Variants in S100A7A observed in about 807,000 individuals in gnomAD.
The protein encoded by S100A7A is protein S100-A7A.
S100A7A carries 5 observed loss-of-function variants against 4.0 expected under a neutral mutation model. The ratio of observed to expected loss-of-function variants is 1.26; its 90% confidence interval spans 0.66 to 2.66. The LOEUF (loss-of-function observed/expected upper bound fraction) is 2.66. S100A7A is among the 30% of genes most tolerant of loss of function. The probability of loss-of-function intolerance (pLI) is 0.01; values close to 1 mark genes in which losing one functional copy is unlikely to be tolerated. For missense variants in S100A7A, 159 were observed against 125.1 expected (o/e 1.27, Z -1.29); for synonymous variants, 52 against 46.4 (o/e 1.12, Z -0.49).
chr1:153,417,032 C>CTGGCCT (rs1273611624), intron 1 of S100A7A, among the ~76,000 whole-genome samples: 3 of 152,266 alleles, frequency 2.0e-5, no homozygotes, highest in Admixed American at 2.0e-4. Flanking sequence ...GGCTTGGCCT[C>CTGGCCT]TGGCCTTGGC....
intron 2 of S100A7A, among the ~76,000 whole-genome samples, chr1:153,418,829 C>T (rs189066089): frequency 6.6e-5 from 10 of 152,250 alleles, no homozygotes; most frequent in African/African-American, 2.4e-4. Flanking sequence ...GTAGGCAGTG[C>T]CCTTAAATGC....
Position 153,417,942 on chromosome 1 carries a change from A to T in S100A7A, c.-17-124A>T, listed in dbSNP as rs1005281988. ...AACTTATCCCATCACATTTAAAAAA[A>T]TCAAGTTCCTTCTGCTCCATCTTAG... On this transcript the variant is annotated intron_variant, in intron 1 of 2. Transcript: ENST00000368729. 7.9e-6 allele frequency: 10 copies of T among 1,272,448 alleles called. No individual in the cohort carries two copies. In the African/African-American group the frequency reaches 1.5e-4, roughly 19 times the overall value. The allele number at this position is 1,272,448 out of a possible 1,614,324, so 78.8% of individuals were successfully genotyped here. A position where few individuals can be genotyped will look rare whatever the true frequency, so the allele number is the denominator to read the frequency against.
In S100A7A at chr1:153,420,872, C is replaced by T. The variant is rs1662882229; in HGVS notation, c.*1563C>T. 1 of 152,332 alleles carries T rather than the reference C, an allele frequency of 6.6e-6. No individual in the cohort carries two copies. Among genetic ancestry groups the T allele is most frequent in the Non-Finnish European group, 1.5e-5 (1 of 68,230 alleles). 9.4% of individuals were successfully genotyped at this position (152,332 alleles called of 1,614,324 possible). Reference sequence around the variant, plus strand: ...CATCCACCCCAGAATTGCTCTCTTTCCTCTCTTAGCTCTGTTGCCCACTTT... The same window carrying T: ...CATCCACCCCAGAATTGCTCTCTTTTCTCTCTTAGCTCTGTTGCCCACTTT... On this transcript the variant is annotated 3_prime_UTR_variant, in exon 3 of 3. Coordinates refer to ENST00000368729, the MANE Select transcript of S100A7A (RefSeq NM_176823.4).
Position 153,421,479 on chromosome 1 carries a change from T to C in S100A7A, c.*2170T>C, listed in dbSNP as rs1662896801. ...TCCAGCTCATAATAAGTACTCTATATCATTTTTCAATATAAAATGTATTTG... is the reference window on the plus strand; with the variant it reads ...TCCAGCTCATAATAAGTACTCTATACCATTTTTCAATATAAAATGTATTTG... On this transcript the variant is annotated 3_prime_UTR_variant, in exon 3 of 3. Coordinates refer to ENST00000368729, the MANE Select transcript of S100A7A (RefSeq NM_176823.4). 6.6e-6 allele frequency: 1 copy of C among 152,232 alleles called. No individual in the cohort carries two copies. Among genetic ancestry groups the C allele is most frequent in the East Asian group, 1.9e-4 (1 of 5,208 alleles). The allele number at this position is 152,232 out of a possible 1,614,324, so 9.4% of individuals were successfully genotyped here. A position where few individuals can be genotyped will look rare whatever the true frequency, so the allele number is the denominator to read the frequency against.
At position 153,422,575 on chromosome 1, in the gene S100A7A, A is replaced by G. The variant is rs1279550299; in HGVS notation, c.*3266A>G. On this transcript the variant is annotated 3_prime_UTR_variant, in exon 3 of 3. Coordinates refer to ENST00000368729, the MANE Select transcript of S100A7A (RefSeq NM_176823.4). ...CCAAATGTTCCCCAGAAATTCTGATATCAAAACATTCCAATAACTTTTTTT... is the reference window on the plus strand; with the variant it reads ...CCAAATGTTCCCCAGAAATTCTGATGTCAAAACATTCCAATAACTTTTTTT... 1 of 980,074 alleles carries G rather than the reference A, an allele frequency of 1.0e-6. No individual in the cohort carries two copies. Among genetic ancestry groups the G allele is most frequent in the Non-Finnish European group, 1.2e-6 (1 of 825,226 alleles). 60.7% of individuals were successfully genotyped at this position (980,074 alleles called of 1,614,324 possible). A position where few individuals can be genotyped will look rare whatever the true frequency, so the allele number is the denominator to read the frequency against.
At chr1:153,417,972 G>T (rs1662772042) in intron 1 of S100A7A, 94 bp from the exon 2 acceptor site, 1 of 1,493,892 alleles carries the variant, frequency 6.7e-7, no homozygotes, top group Non-Finnish European at 9.1e-7. Flanking sequence ...TCTTAGGGCT[G>T]TTTTTACTCT....
intron 1 of S100A7A, among the ~76,000 whole-genome samples, 200 bp downstream of exon 1, chr1:153,416,763 T>A (rs943017745): frequency 2.0e-5 from 3 of 152,198 alleles, no homozygotes; most frequent in African/African-American, 7.2e-5. Flanking sequence ...ACCAGACCTG[T>A]CCATTGCTCC....
chr1:153,418,149 C>T lies in S100A7A; in HGVS notation c.67C>T (p.Arg23Cys), dbSNP rs146005479. ...MIDMFHKYTG[R>C]DGKIEKPSLL... ...CGACATGTTTCACAAATACACCGGA[C>T]GTGATGGCAAGATTGAGAAGCCAAG... is the stretch of plus-strand genomic sequence containing the variant. The change falls in exon 2 of 3, where the codon CGT (arginine) becomes TGT (cysteine). Residue 23 changes from arginine to cysteine, a missense_variant. Physicochemically the swap from Arg to Cys is radical, Grantham distance 180 (BLOSUM62 -3). Coordinates refer to ENST00000368729, the MANE Select transcript of S100A7A (RefSeq NM_176823.4). The T allele has an allele frequency of 2.1e-5, 34 of 1,613,920 alleles. No individual in the cohort carries two copies. In the East Asian group the frequency reaches 2.9e-4, roughly 14 times the overall value.
In S100A7A at chr1:153,422,204, G is replaced by C. The variant is rs936993501; in HGVS notation, c.*2895G>C. 1 of 152,344 alleles carries C rather than the reference G, an allele frequency of 6.6e-6. No homozygotes were observed. The highest frequency in any genetic ancestry group is 2.4e-5 in the African/African-American group (1 of 41,568). The allele number at this position is 152,344 out of a possible 1,614,324, so 9.4% of individuals were successfully genotyped here. On this transcript the variant is annotated 3_prime_UTR_variant, in exon 3 of 3. Transcript: ENST00000368729. ...AGCAGATGGATATGAAGAGGAGAGG[G>C]GACCAGACCATCTCCGCAACCACAG...
intron 1 of S100A7A, among the ~76,000 whole-genome samples, chr1:153,417,028 G>A (rs986039557): frequency 6.6e-6 from 1 of 152,358 alleles, no homozygotes; most frequent in African/African-American, 2.4e-5. Flanking sequence ...ACAGGGCTTG[G>A]CCTCTGGCCT....
rs554894940 is a variant in S100A7A at position 153,420,109 on chromosome 1, A to C, written c.*800A>C. ...GTAAGCAGTCTGGCTGGAATAAGGC[A>C]GCATCACGGAAATTCTGTAAGGACT... On this transcript the variant is annotated 3_prime_UTR_variant, in exon 3 of 3. Transcript: ENST00000368729. 1 of 152,372 alleles carries C rather than the reference A, an allele frequency of 6.6e-6. No homozygotes were observed. The highest frequency in any genetic ancestry group is 2.1e-4 in the South Asian group (1 of 4,832). 9.4% of individuals were successfully genotyped at this position (152,372 alleles called of 1,614,324 possible). A position where few individuals can be genotyped will look rare whatever the true frequency, so the allele number is the denominator to read the frequency against.
Position 153,416,561 on chromosome 1 carries a change from C to G in S100A7A, c.-20C>G. 1 of 486,436 alleles carries G rather than the reference C, an allele frequency of 2.1e-6. No homozygotes were observed. The highest frequency in any genetic ancestry group is 1.7e-5 in the South Asian group (1 of 59,296). 30.1% of individuals were successfully genotyped at this position (486,436 alleles called of 1,614,324 possible). A position where few individuals can be genotyped will look rare whatever the true frequency, so the allele number is the denominator to read the frequency against. ...CTTCTACTCGTGACACTTCCCAGTTCTGGTAAGTCTCACCTGCCTCTTTGC... is the reference window on the plus strand; with the variant it reads ...CTTCTACTCGTGACACTTCCCAGTTGTGGTAAGTCTCACCTGCCTCTTTGC... On this transcript the variant is annotated splice_region_variant and 5_prime_UTR_variant, in exon 1 of 3. Transcript: ENST00000368729.
At position 153,421,747 on chromosome 1, in the gene S100A7A, A is replaced by T. The variant is rs1662902077; in HGVS notation, c.*2438A>T. The T allele has an allele frequency of 6.6e-6, 1 of 152,236 alleles. No individual in the cohort carries two copies. Among genetic ancestry groups the T allele is most frequent in the Non-Finnish European group, 1.5e-5 (1 of 68,064 alleles). The allele number at this position is 152,236 out of a possible 1,614,324, so 9.4% of individuals were successfully genotyped here. ...TGCTGGACCTTCAATCCATCGCTACAGTCCAGAAGGCAATTGGCCACTCCT... is the reference window on the plus strand; with the variant it reads ...TGCTGGACCTTCAATCCATCGCTACTGTCCAGAAGGCAATTGGCCACTCCT... On this transcript the variant is annotated 3_prime_UTR_variant, in exon 3 of 3. Coordinates refer to ENST00000368729, the MANE Select transcript of S100A7A (RefSeq NM_176823.4).
chr1:153,422,989 G>T lies in S100A7A; in HGVS notation c.*3680G>T, dbSNP rs1662935097. ...TTTGGTATTCTTGCCCAGGAAATGG[G>T]TTGATTCATCACAGATTTTATATAT... is the stretch of plus-strand genomic sequence containing the variant. On this transcript the variant is annotated 3_prime_UTR_variant, in exon 3 of 3. Transcript: ENST00000368729. 6.6e-6 allele frequency: 1 copy of T among 152,172 alleles called. No individual in the cohort carries two copies. Among genetic ancestry groups the T allele is most frequent in the Non-Finnish European group, 1.5e-5 (1 of 68,026 alleles). The allele number at this position is 152,172 out of a possible 1,614,324, so 9.4% of individuals were successfully genotyped here.
rs1662895805 is a variant in S100A7A, at chr1:153,421,427, G to A, written c.*2118G>A. 1 of 152,194 alleles carries A rather than the reference G, an allele frequency of 6.6e-6. No individual in the cohort carries two copies. Among genetic ancestry groups the A allele is most frequent in the Admixed American group, 6.5e-5 (1 of 15,276 alleles). 9.4% of individuals were successfully genotyped at this position (152,194 alleles called of 1,614,324 possible). On this transcript the variant is annotated 3_prime_UTR_variant, in exon 3 of 3. Transcript: ENST00000368729. The stretch of plus-strand genomic sequence containing the variant: ...AAACATTGTTACCTCGGATCTCCTG[G>A]TTACCCAGCACATAGTAGTACTGGA...
At chr1:153,418,029 A>G (rs1352640223) in intron 1 of S100A7A, 37 bp from the exon 2 acceptor site, 1 of 1,608,836 alleles carries the variant, frequency 6.2e-7, no homozygotes, top group African/African-American at 1.3e-5. Context: ...CCTTAATTCA[A>G]ACTAAGGTAA....
In S100A7A at chr1:153,422,794, A is replaced by G. The variant is rs746179945; in HGVS notation, c.*3485A>G. The stretch of plus-strand genomic sequence containing the variant: ...CAGTAGGCTCCTGAAGAGTGATCTC[A>G]ACTTTCCAGGAAGAAAAGAGGGCAA... On this transcript the variant is annotated 3_prime_UTR_variant, in exon 3 of 3. Coordinates refer to ENST00000368729, the MANE Select transcript of S100A7A (RefSeq NM_176823.4). The G allele has an allele frequency of 1.3e-5, 2 of 152,168 alleles. No individual in the cohort carries two copies. Among genetic ancestry groups the G allele is most frequent in the Non-Finnish European group, 2.9e-5 (2 of 68,042 alleles). The allele number at this position is 152,168 out of a possible 1,614,324, so 9.4% of individuals were successfully genotyped here. A position where few individuals can be genotyped will look rare whatever the true frequency, so the allele number is the denominator to read the frequency against.
At chr1:153,419,080 C>G in intron 2 of S100A7A, 65 bp from the exon 3 acceptor site, 1 of 1,535,434 alleles carries the variant, frequency 6.5e-7, no homozygotes, top group Non-Finnish European at 8.9e-7. Flanking sequence ...CTCCTCCTCT[C>G]CCCTCCCAGC....
intron 1 of S100A7A, 87 bp from the exon 2 acceptor site, chr1:153,417,979 C>T: frequency 2.7e-6 from 4 of 1,509,424 alleles, no homozygotes; most frequent in Non-Finnish European, 3.6e-6. Flanking sequence ...GCTGTTTTTA[C>T]TCTGTCCTCA....
Sources: allele counts gnomAD v4.1 joint callset (sites outside exome capture counted in the v4.1 genomes callset), GRCh38; gene constraint gnomAD v4.1.1; transcripts MANE v1.5; gene names NCBI Gene and HGNC (gene_info 2026-07-23, HGNC 2026-07-21).